The following CCDC38 variants were observed in gnomAD, a reference collection of about 807,000 sequenced individuals.
CCDC38 encodes coiled-coil domain containing 38.
A neutral mutation model predicts 72.8 loss-of-function variants in CCDC38; 69 were observed. That is an observed-to-expected ratio of 0.95 (90% CI 0.78 to 1.16). The LOEUF is 1.16. CCDC38 is among the 50% of genes most tolerant of loss of function. CCDC38 has a pLI of 0.00. For synonymous variants in CCDC38, 201 were observed against 213.2 expected (o/e 0.94, Z 0.50); for missense variants, 626 against 638.9 (o/e 0.98, Z 0.22).
At chr12:95,891,273 C>T (rs1276742829) in intron 8 of CCDC38, among the ~76,000 whole-genome samples, 1 of 152,182 alleles carries the variant, frequency 6.6e-6, no homozygotes, top group African/African-American at 2.4e-5. Context: ...AGCTTTCAAG[C>T]CTCTGGACTG....
intron 2 of CCDC38, chr12:95,919,532 A>C (rs1565962688): frequency 2.2e-6 from 1 of 455,992 alleles, no homozygotes; most frequent in Non-Finnish European, 4.4e-6. Context: ...TTGCTTTAAC[A>C]GTAGAATGCA....
intron 10 of CCDC38, among the ~76,000 whole-genome samples, chr12:95,887,568 C>G (rs1898177): frequency 0.74 from 111,952 of 152,104 alleles, 41,997 homozygotes; most frequent in African/African-American, 0.81. Context: ...CATAGAAATG[C>G]AGAACGCATT....
rs555283181 is a variant in CCDC38 at position 95,881,632 on chromosome 12, T to C, written c.921-78A>G. The C allele has an allele frequency of 1.1e-4, 127 of 1,165,576 alleles. 1 individual carries two copies. In the African/African-American group the frequency reaches 1.8e-3, roughly 16 times the overall value. The allele number at this position is 1,165,576 out of a possible 1,614,324, so 72.2% of individuals were successfully genotyped here. ...CAACAGGTTTGCATTCCTCTCTAAA[T>C]TGTCGTTGGAACCCAACTGTAACAT... On this transcript the variant is annotated intron_variant, in intron 10 of 15. Transcript: ENST00000344280.
At chr12:95,869,046 C>T (rs1023739204) in intron 15 of CCDC38, among the ~76,000 whole-genome samples, 4 of 152,124 alleles carry the variant, frequency 2.6e-5, no homozygotes, top group African/African-American at 9.7e-5. Flanking sequence ...AGAATATGTA[C>T]ATAAATACAT....
Position 95,879,099 on chromosome 12 carries a change from A to G in CCDC38, c.1142+545T>C, listed in dbSNP as rs866107831. On this transcript the variant is annotated intron_variant, in intron 12 of 15. Transcript: ENST00000344280. The surrounding 1 kb of genome is among the most constrained non-coding windows in gnomAD (Gnocchi z 5.5). ...TTCTTTTTCAAGTTTGTAATACTATATATTTTTAGATGAGGAAGGAATTTT... is the reference window on the plus strand; with the variant it reads ...TTCTTTTTCAAGTTTGTAATACTATGTATTTTTAGATGAGGAAGGAATTTT... Among the ~76,000 whole-genome samples the G allele has an allele frequency of 4.6e-5, 7 of 152,216 alleles. No individual in the cohort carries two copies. The highest frequency in any genetic ancestry group is 9.7e-5 in the African/African-American group (4 of 41,444).
Position 95,869,489 on chromosome 12 carries a change from T to A in CCDC38, c.1569A>T (p.Pro523=), listed in dbSNP as rs150048800. The A allele has an allele frequency of 1.2e-6, 2 of 1,612,650 alleles. No individual in the cohort carries two copies. The highest frequency in any genetic ancestry group is 2.7e-5 in the African/African-American group (2 of 74,902). The part of the protein sequence containing the change: ...KAALEKAVAQ[P]KKKLGRRLVF... ...TAATAGCAAAACAAACCTTTTTCTT[T>A]GGTTGTGCTACTGCTTTTTCCAGAG... The change falls in exon 15 of 16, where the codon CCA becomes CCT. Residue 523 remains proline, a synonymous_variant. Transcript: ENST00000344280.
chr12:95,898,863 A>G (rs2079921774), intron 5 of CCDC38, 132 bp from the exon 6 acceptor site: 1 of 904,064 alleles, frequency 1.1e-6, no homozygotes, highest in East Asian at 2.6e-5. Flanking sequence ...AATGGACTTT[A>G]TTTCTTGAAG....
intron 13 of CCDC38, among the ~76,000 whole-genome samples, chr12:95,872,777 G>A (rs1176401147): frequency 1.3e-5 from 2 of 152,222 alleles, no homozygotes; most frequent in Non-Finnish European, 2.9e-5. Context: ...GCTTCACCGT[G>A]TTGGCCAGGC....
In CCDC38 at chr12:95,881,467, C is replaced by G; in HGVS notation, c.990+18G>C. 1 of 1,581,520 alleles carries G rather than the reference C, an allele frequency of 6.3e-7. No individual in the cohort carries two copies. Among genetic ancestry groups the G allele is most frequent in the Non-Finnish European group, 8.6e-7 (1 of 1,156,910 alleles). On this transcript the variant is annotated intron_variant, in intron 11 of 15. Transcript: ENST00000344280. ...TCACCAAACCCAATATTTAAACTAG[C>G]AAATATAATCTGGTTACCAAATCAA...
intron 14 of CCDC38, among the ~76,000 whole-genome samples, chr12:95,870,447 G>A (rs192598845): frequency 6.6e-6 from 1 of 152,188 alleles, no homozygotes; most frequent in African/African-American, 2.4e-5. Flanking sequence ...ATATACTAGG[G>A]AATGGAAATA....
At chr12:95,925,759 G>C (rs80037280) in intron 2 of CCDC38, among the ~76,000 whole-genome samples, 14,958 of 151,582 alleles carry the variant, frequency 0.099, 1,164 homozygotes, top group East Asian at 0.46. Context: ...AAGGGTTGTT[G>C]AATTTTGTCA....
In CCDC38 at chr12:95,873,295, A is replaced by G. The variant is rs80125618; in HGVS notation, c.1279-835T>C. ...ACTTACAACTAAAACAGTGCTTTGCACATAACTACGCACTGAATAAATGTT... is the reference window on the plus strand; with the variant it reads ...ACTTACAACTAAAACAGTGCTTTGCGCATAACTACGCACTGAATAAATGTT... On this transcript the variant is annotated intron_variant, in intron 13 of 15. Transcript: ENST00000344280. Among the ~76,000 whole-genome samples, 136 of 152,374 alleles carry G rather than the reference A, an allele frequency of 8.9e-4. 1 individual carries two copies. In the East Asian group the frequency reaches 0.023, roughly 26 times the overall value.
chr12:95,907,281 C>T (rs1207807945), intron 4 of CCDC38, among the ~76,000 whole-genome samples: 2 of 144,830 alleles, frequency 1.4e-5, no homozygotes, highest in African/African-American at 5.2e-5. Flanking sequence ...CCTTTCCCCC[C>T]TTTCTATTCC....
chr12:95,869,766 A>G, intron 14 of CCDC38, 193 bp from the exon 15 acceptor site: 1 of 520,536 alleles, frequency 1.9e-6, no homozygotes, highest in Non-Finnish European at 3.3e-6. Context: ...CTATTTTGAA[A>G]TGGGAAGAAA....
rs563262648 is a variant in CCDC38, at chr12:95,895,060, A to G, written c.701T>C (p.Ile234Thr). ...LLQMSPKHWQIQQALKRAQAS... is the reference protein window; with the variant it reads ...LLQMSPKHWQTQQALKRAQAS... Reference sequence around the variant, plus strand: ...CTGTGCTCTTTTTAGTGCTTGCTGGATTTGCCAATGTTTTGGAGACATTTG... The same window carrying G: ...CTGTGCTCTTTTTAGTGCTTGCTGGGTTTGCCAATGTTTTGGAGACATTTG... Residue 234 changes from isoleucine (I) to threonine (T), a missense_variant, in exon 8 of 16, where the codon ATC (isoleucine) becomes ACC (threonine). By Grantham distance (89) the Ile-to-Thr change is moderately conservative (BLOSUM62 -1). Coordinates refer to ENST00000344280, the MANE Select transcript of CCDC38 (RefSeq NM_182496.3). The G allele has an allele frequency of 5.6e-6, 9 of 1,613,378 alleles. No individual in the cohort carries two copies. In the African/African-American group the frequency reaches 8.0e-5, roughly 14 times the overall value.
At chr12:95,933,761 C>T (rs1010169087) in intron 2 of CCDC38, 3 of 152,200 alleles carry the variant, frequency 2.0e-5, no homozygotes, top group Admixed American at 6.5e-5. Flanking sequence ...TAGCAATAAG[C>T]TGAAAACAAC....
chr12:95,938,579 A>G (rs1480755400), intron 1 of CCDC38, among the ~76,000 whole-genome samples: 1 of 152,208 alleles, frequency 6.6e-6, no homozygotes, highest in East Asian at 1.9e-4. Flanking sequence ...TTCTGTCTCT[A>G]TTATATAGTT....
chr12:95,918,998 A>G (rs2080175340), intron 2 of CCDC38, 22 bp from the exon 3 acceptor site: 2 of 1,424,120 alleles, frequency 1.4e-6, no homozygotes, highest in Non-Finnish European at 9.9e-7. Flanking sequence ...GAAAGAATGA[A>G]TGAATGAATT....
At chr12:95,875,122 A>G (rs180858016) in intron 13 of CCDC38, among the ~76,000 whole-genome samples, 1 of 152,344 alleles carries the variant, frequency 6.6e-6, no homozygotes, top group African/African-American at 2.4e-5. Flanking sequence ...AAGAAGCCAG[A>G]CATGTTACAT....
Sources: allele counts gnomAD v4.1 joint callset (sites outside exome capture counted in the v4.1 genomes callset), GRCh38; gene constraint gnomAD v4.1.1; non-coding constraint Gnocchi (gnomAD v3.1); transcripts MANE v1.5; gene names NCBI Gene and HGNC (gene_info 2026-07-23, HGNC 2026-07-21).